Variants in RRP15 observed in about 807,000 individuals in gnomAD.
The protein encoded by RRP15 is RRP15-like protein.
In RRP15, 18 loss-of-function variants were observed where a neutral mutation model predicts 27.1. The ratio of observed to expected loss-of-function variants is 0.66; its 90% CI spans 0.46 to 0.98. The LOEUF is 0.98. Among genes scored for constraint, RRP15 ranks in the 50% least tolerant of loss-of-function variants. The pLI is 0.00. For synonymous variants in RRP15, 107 were observed against 109.4 expected (o/e 0.98, Z 0.14); for missense variants, 359 against 337.8 (o/e 1.06, Z -0.49).
Position 218,333,950 on chromosome 1 carries a change from A to G in RRP15, c.*2859A>G, listed in dbSNP as rs1024472732. ...TTAGAAAGAACTATGGAAAATAGGA[A>G]CCAATAATTTGGAAGTATTATTTCC... On this transcript the variant is annotated 3_prime_UTR_variant, in exon 5 of 5. Transcript: ENST00000366932. 2 of 152,220 alleles carry G rather than the reference A, an allele frequency of 1.3e-5. No individual in the cohort carries two copies. Among genetic ancestry groups the G allele is most frequent in the Non-Finnish European group, 2.9e-5 (2 of 68,038 alleles). The allele number at this position is 152,220 out of a possible 1,614,324, so 9.4% of individuals were successfully genotyped here.
chr1:218,297,117 T>G (rs1174516749), intron 1 of RRP15, among the ~76,000 whole-genome samples: 1 of 152,174 alleles, frequency 6.6e-6, no homozygotes, highest in Non-Finnish European at 1.5e-5. Flanking sequence ...GTTTTACTGA[T>G]AAAGAAACTG....
chr1:218,317,238 G>A (rs1271120900), intron 4 of RRP15, among the ~76,000 whole-genome samples: 1 of 152,222 alleles, frequency 6.6e-6, no homozygotes, highest in Admixed American at 6.5e-5. Flanking sequence ...TGAGTAGAAG[G>A]ACTGAGAGGG....
intron 4 of RRP15, among the ~76,000 whole-genome samples, chr1:218,308,062 C>CTTTTTTTTTTTTTTTTT (rs56813511): frequency 4.5e-5 from 3 of 66,928 alleles, no homozygotes; most frequent in Non-Finnish European, 5.7e-5. Flanking sequence ...TTCTTTCTTT[C>CTTTTTTTTTTTTTTTTT]TTTTTTTTTT....
chr1:218,291,632 A>G (rs1050087849), intron 1 of RRP15, among the ~76,000 whole-genome samples: 1 of 150,008 alleles, frequency 6.7e-6, no homozygotes, highest in African/African-American at 2.5e-5. Context: ...CCCAGGTTCA[A>G]GCAATTCTTC....
At chr1:218,319,185 C>T (rs1343949795) in intron 4 of RRP15, among the ~76,000 whole-genome samples, 1 of 151,646 alleles carries the variant, frequency 6.6e-6, no homozygotes, top group Non-Finnish European at 1.5e-5. Context: ...CTACCTCAGC[C>T]TCCTGAGTAG....
rs1656360801 is a variant in RRP15, at chr1:218,331,098, A to G, written c.*7A>G. The G allele has an allele frequency of 6.2e-7, 1 of 1,606,688 alleles. No homozygotes were observed. The highest frequency in any genetic ancestry group is 1.1e-5 in the South Asian group (1 of 89,238). On this transcript the variant is annotated 3_prime_UTR_variant, in exon 5 of 5. Coordinates refer to ENST00000366932, the MANE Select transcript of RRP15 (RefSeq NM_016052.4). ...AAGTGACTCTGATACATAAAGCATC[A>G]TAGGAAATACAATTGCAGTCGTTTT...
At chr1:218,323,784 G>T (rs1244544476) in intron 4 of RRP15, among the ~76,000 whole-genome samples, 1 of 152,212 alleles carries the variant, frequency 6.6e-6, no homozygotes, top group Non-Finnish European at 1.5e-5. Flanking sequence ...GGCCTGGCAT[G>T]TCAGCGCTGC....
chr1:218,296,500 G>A (rs914554116), intron 1 of RRP15, among the ~76,000 whole-genome samples: 1 of 151,922 alleles, frequency 6.6e-6, no homozygotes, highest in African/African-American at 2.4e-5. Context: ...CAAAAAATTA[G>A]CTCAGCGTGG....
chr1:218,304,870 C>T (rs1655871982), intron 2 of RRP15, among the ~76,000 whole-genome samples, 158 bp from the exon 3 acceptor site: 2 of 152,098 alleles, frequency 1.3e-5, no homozygotes, highest in South Asian at 2.1e-4. Flanking sequence ...CACAGGCTCT[C>T]GAAGCTAAAC....
chr1:218,299,965 G>A (rs1030429144), intron 1 of RRP15, among the ~76,000 whole-genome samples: 5 of 151,984 alleles, frequency 3.3e-5, no homozygotes, highest in Non-Finnish European at 7.4e-5. Context: ...TAATAGTGCT[G>A]CCAGCTTTTA....
rs1460567626 is a variant in RRP15 at position 218,336,718 on chromosome 1, T to A, written c.*5627T>A. On this transcript the variant is annotated 3_prime_UTR_variant, in exon 5 of 5. Coordinates refer to ENST00000366932, the MANE Select transcript of RRP15 (RefSeq NM_016052.4). ...TAACATCAAGACTGTTTCTACACAA[T>A]AATATTTGTCTTTGTACAGCAACAC... 1.3e-5 allele frequency: 2 copies of A among 152,206 alleles called. No homozygotes were observed. The highest frequency in any genetic ancestry group is 4.8e-5 in the African/African-American group (2 of 41,434). The allele number at this position is 152,206 out of a possible 1,614,324, so 9.4% of individuals were successfully genotyped here.
intron 1 of RRP15, among the ~76,000 whole-genome samples, chr1:218,289,278 C>T (rs1655597147): frequency 6.6e-6 from 1 of 152,198 alleles, no homozygotes; most frequent in Admixed American, 6.5e-5. Context: ...TGTAAGGTAG[C>T]TGATGGCATT....
intron 4 of RRP15, among the ~76,000 whole-genome samples, chr1:218,310,927 T>G (rs1655985360): frequency 6.6e-6 from 1 of 152,108 alleles, no homozygotes; most frequent in South Asian, 2.1e-4. Flanking sequence ...TTTTGTATTT[T>G]TAGTAGAGAC....
At chr1:218,289,011 C>T (rs147093794) in intron 1 of RRP15, among the ~76,000 whole-genome samples, 60 of 152,262 alleles carry the variant, frequency 3.9e-4, no homozygotes, top group Middle Eastern at 3.4e-3. Context: ...ATTTCCTCAT[C>T]TACAAAATGA....
chr1:218,326,519 A>G (rs1357577922), intron 4 of RRP15, among the ~76,000 whole-genome samples: 1 of 152,194 alleles, frequency 6.6e-6, no homozygotes, highest in Non-Finnish European at 1.5e-5. Context: ...ATTAGAACAA[A>G]TAGACCAAAA....
At chr1:218,324,254 G>C (rs558775972) in intron 4 of RRP15, among the ~76,000 whole-genome samples, 3 of 152,174 alleles carry the variant, frequency 2.0e-5, no homozygotes, top group Non-Finnish European at 2.9e-5. Context: ...GGAGGTGCAG[G>C]TGGCATGGCC....
At chr1:218,285,906 A>C (rs1478175941) in intron 1 of RRP15, among the ~76,000 whole-genome samples, 1 of 152,216 alleles carries the variant, frequency 6.6e-6, no homozygotes, top group Non-Finnish European at 1.5e-5. Flanking sequence ...ATAATAGTGA[A>C]TGAAAGAAGA....
chr1:218,302,436 TGC>T lies in RRP15; in HGVS notation c.283_284del (p.Ala95TyrfsTer3), dbSNP rs1478355306. ...TTGGGACTAATATGGGCTGGGCAGA[TGC>T]TATGGCTAAAGTCCTCAACAAGAAA... The part of the protein sequence containing the change: ...SVGTNMGWAD[A>X]MAKVLNKKTP... On this transcript the variant is annotated frameshift_variant, in exon 2 of 5. Transcript: ENST00000366932. LOFTEE classifies it high-confidence loss of function. 1 of 1,614,134 alleles carries T rather than the reference TGC, an allele frequency of 6.2e-7. No homozygotes were observed. Among genetic ancestry groups the T allele is most frequent in the South Asian group, 1.1e-5 (1 of 91,082 alleles).
intron 3 of RRP15, among the ~76,000 whole-genome samples, chr1:218,307,005 CT>C (rs1655910168): frequency 6.6e-6 from 1 of 152,234 alleles, no homozygotes; most frequent in Admixed American, 6.5e-5. Flanking sequence ...TTTGAATGAA[CT>C]CAAATAAATA....
Sources: allele counts gnomAD v4.1 joint callset (sites outside exome capture counted in the v4.1 genomes callset), GRCh38; gene constraint gnomAD v4.1.1; transcripts MANE v1.5; gene names NCBI Gene and HGNC (gene_info 2026-07-23, HGNC 2026-07-21).